MYO5A: variants seen among roughly 807,000 people sequenced by gnomAD.
The protein encoded by MYO5A is myosin VA.
In MYO5A, 98 loss-of-function variants were observed where a neutral mutation model predicts 249.7. The ratio of observed to expected loss-of-function variants is 0.39; its 90% confidence interval spans 0.33 to 0.46. MYO5A has a LOEUF of 0.46. Among genes scored for constraint, MYO5A ranks in the 20% least tolerant of loss-of-function variants. The probability of loss-of-function intolerance (pLI) is 0.98; values close to 1 mark genes in which losing one functional copy is unlikely to be tolerated. For missense variants in MYO5A, 1,696 were observed against 2,308.8 expected (o/e 0.73, Z 5.44); for synonymous variants, 778 against 810.6 (o/e 0.96, Z 0.68).
chr15:52,519,547 G>A (rs2077569152), intron 1 of MYO5A, among the ~76,000 whole-genome samples: 1 of 151,818 alleles, frequency 6.6e-6, no homozygotes, highest in South Asian at 2.1e-4. Flanking sequence ...AGGAGTTCGA[G>A]GCTGCAGTGA....
At chr15:52,465,368 A>C (rs1228088702) in intron 1 of MYO5A, among the ~76,000 whole-genome samples, 1 of 152,184 alleles carries the variant, frequency 6.6e-6, no homozygotes, top group Non-Finnish European at 1.5e-5. Context: ...ATGAAAGTTG[A>C]TCTAGGTTTT....
intron 2 of MYO5A, among the ~76,000 whole-genome samples, chr15:52,431,985 G>C (rs1300591955): frequency 6.6e-6 from 1 of 152,016 alleles, no homozygotes; most frequent in African/African-American, 2.4e-5. Flanking sequence ...ATAGGGACCT[G>C]TCAAAAAAGT....
At chr15:52,367,178 T>C in intron 22 of MYO5A, 54 bp from the exon 23 acceptor site, 1 of 1,462,678 alleles carries the variant, frequency 6.8e-7, no homozygotes, top group South Asian at 1.1e-5. Flanking sequence ...GGAAGCCTGA[T>C]GACCAAGGAT....
intron 1 of MYO5A, among the ~76,000 whole-genome samples, chr15:52,473,474 C>G (rs2076522208): frequency 1.3e-5 from 2 of 152,292 alleles, no homozygotes; most frequent in South Asian, 4.1e-4. Context: ...TTGCCCATGC[C>G]TATGTCCTGA....
intron 24 of MYO5A, among the ~76,000 whole-genome samples, chr15:52,363,071 A>T (rs1314751786): frequency 6.6e-6 from 1 of 152,216 alleles, no homozygotes; most frequent in Non-Finnish European, 1.5e-5. Context: ...CCAAATAACT[A>T]GGGGGTCTCA....
rs2041880670 is a variant in MYO5A at position 52,384,167 on chromosome 15, C to T, written c.1908G>A (p.Gly636=). 1 of 1,613,990 alleles carries T rather than the reference C, an allele frequency of 6.2e-7. No homozygotes were observed. The highest frequency in any genetic ancestry group is 1.7e-5 in the Admixed American group (1 of 60,008). Reference sequence around the variant, plus strand: ...GGCAGCTCCCTGAACTCACCTGATGCCCCACTGTTTTCTTGTGCTCTTTGG... The same window carrying T: ...GGCAGCTCCCTGAACTCACCTGATGTCCCACTGTTTTCTTGTGCTCTTTGG... ...QMAKEHKKTV[G]HQFRNSLHLL... The change falls in exon 15 of 42, where the codon GGG becomes GGA. Residue 636 remains glycine, a synonymous_variant. Transcript: ENST00000399233.
At chr15:52,327,241 GTTCTAA>G (rs1300356044) in intron 36 of MYO5A, among the ~76,000 whole-genome samples, 2 of 152,128 alleles carry the variant, frequency 1.3e-5, no homozygotes, top group Admixed American at 6.5e-5. Flanking sequence ...ATATTGTTTA[GTTCTAA>G]GTAAAACCTC....
intron 23 of MYO5A, 148 bp downstream of exon 23, chr15:52,366,883 T>C: frequency 1.4e-6 from 1 of 729,460 alleles, no homozygotes; most frequent in South Asian, 1.5e-5. Context: ...CTGTTGCCTC[T>C]TGGAACTTTA....
At chr15:52,431,304 G>A (rs529410285) in intron 2 of MYO5A, among the ~76,000 whole-genome samples, 39 of 150,374 alleles carry the variant, frequency 2.6e-4, no homozygotes, top group African/African-American at 7.1e-4. Context: ...GAGGTAAAAC[G>A]ACTTCTTGAG....
At chr15:52,500,129 C>T (rs1043522668) in intron 1 of MYO5A, among the ~76,000 whole-genome samples, 1 of 152,136 alleles carries the variant, frequency 6.6e-6, no homozygotes, top group Admixed American at 6.5e-5. Context: ...TTTACATTAT[C>T]ACCACCCGTG....
chr15:52,420,486 T>C (rs1211924038), intron 4 of MYO5A, among the ~76,000 whole-genome samples: 1 of 151,930 alleles, frequency 6.6e-6, no homozygotes, highest in Admixed American at 6.6e-5. Context: ...CACCATAAGA[T>C]GACGTAGCAA....
intron 1 of MYO5A, among the ~76,000 whole-genome samples, chr15:52,450,929 C>T (rs1428247887): frequency 7.1e-6 from 1 of 140,260 alleles, no homozygotes; most frequent in Non-Finnish European, 1.5e-5. Context: ...CTCAGTGCAA[C>T]CTTCACCTCC....
At chr15:52,332,636 C>T (rs1199214592) in intron 34 of MYO5A, among the ~76,000 whole-genome samples, 2 of 152,080 alleles carry the variant, frequency 1.3e-5, no homozygotes, top group Non-Finnish European at 2.9e-5. Context: ...TTCAACATAA[C>T]CTTGATTGAT....
At chr15:52,380,444 CA>C (rs1000427569) in intron 16 of MYO5A, among the ~76,000 whole-genome samples, 3 of 151,646 alleles carry the variant, frequency 2.0e-5, no homozygotes, top group African/African-American at 7.3e-5. Flanking sequence ...TCAACAACAA[CA>C]AAAAGAAAGT....
chr15:52,485,613 C>A (rs1270557305), intron 1 of MYO5A, among the ~76,000 whole-genome samples: 3 of 151,978 alleles, frequency 2.0e-5, no homozygotes, highest in East Asian at 1.9e-4. Flanking sequence ...GATTAAGTAA[C>A]CTCTTGTATG....
Position 52,528,796 on chromosome 15 carries a change from G to A in MYO5A, c.11C>T (p.Ser4Leu). MAA[S>L]ELYTKFARVW... ...GTGCCTTACCTTTGTGTAGAGCTCC[G>A]ACGCAGCCATGGCGGGCCCCGCGCG... Residue 4 changes from serine (S) to leucine (L), a missense_variant, in exon 1 of 42, where the codon TCG (serine) becomes TTG (leucine). Ser to Leu is a moderately radical substitution (Grantham distance 145, BLOSUM62 -2). Around this residue, in one of 5 missense-constraint regions of MYO5A, gnomAD observed 197 missense variants for 320.3 expected, o/e 0.62. Transcript: ENST00000399233. 2 of 1,497,174 alleles carry A rather than the reference G, an allele frequency of 1.3e-6. No homozygotes were observed. Among genetic ancestry groups the A allele is most frequent in the Non-Finnish European group, 8.9e-7 (1 of 1,129,652 alleles). The allele number at this position is 1,497,174 out of a possible 1,614,324, so 92.7% of individuals were successfully genotyped here.
At chr15:52,458,612 T>G (rs2076168026) in intron 1 of MYO5A, among the ~76,000 whole-genome samples, 1 of 151,146 alleles carries the variant, frequency 6.6e-6, no homozygotes, top group African/African-American at 2.4e-5. Flanking sequence ...AGCAAGATTC[T>G]GTCTCAAAAA....
intron 1 of MYO5A, among the ~76,000 whole-genome samples, chr15:52,492,091 C>A (rs1567175898): frequency 6.6e-6 from 1 of 152,050 alleles, no homozygotes; most frequent in Non-Finnish European, 1.5e-5. Context: ...GAATTATAAA[C>A]ATTTTTAGGT....
chr15:52,461,976 A>G (rs2141415932), intron 1 of MYO5A, among the ~76,000 whole-genome samples: 1 of 144,734 alleles, frequency 6.9e-6, no homozygotes, highest in South Asian at 2.2e-4. Flanking sequence ...AAAAAAAAAA[A>G]GTTTGGGCCA....
Sources: gnomAD v4.1 joint callset for allele counts (sites outside exome capture counted in the v4.1 genomes callset) on GRCh38, gnomAD v4.1.1 for gene constraint, gnomAD v4.1.1 regional missense constraint, MANE v1.5 for transcripts, NCBI Gene and HGNC (gene_info 2026-07-23, HGNC 2026-07-21) for gene names.